SV2C: variants seen among roughly 807,000 people sequenced by gnomAD.
SV2C encodes solute carrier family 22 member B3.
SV2C carries 49 observed loss-of-function variants against 79.7 expected under a neutral mutation model. The observed-to-expected ratio is 0.61, with a 90% CI of 0.49 to 0.78. The LOEUF is 0.78. Among genes scored for constraint, SV2C ranks in the 30% least tolerant of loss-of-function variants. SV2C has a pLI of 0.00. For missense variants in SV2C, 833 were observed against 912.9 expected (o/e 0.91, Z 1.13); for synonymous variants, 334 against 333.2 (o/e 1.00, Z -0.03).
In SV2C at chr5:76,346,386, T is replaced by C. The variant is rs150276590; in HGVS notation, c.2001-6744T>C. On this transcript the variant is annotated intron_variant, in intron 12 of 12. Coordinates refer to the SV2C transcript ENST00000322285. ...TTCCTGAAAATTTAGCATCAGCTTC[T>C]GTGAGCCAGTACAACACACTCCAGC... Among the ~76,000 whole-genome samples the C allele has an allele frequency of 3.4e-3, 522 of 152,352 alleles. 3 individuals carry two copies. Among genetic ancestry groups the C allele is most frequent in the African/African-American group, 0.012 (502 of 41,582 alleles).
the SV2C span, among the ~76,000 whole-genome samples, chr5:75,956,129 A>G: frequency 6.9e-6 from 1 of 143,970 alleles, no homozygotes; most frequent in Non-Finnish European, 1.5e-5. Context: ...CACAATAGCA[A>G]AGACTTGGAA....
At chr5:76,204,101 C>A (rs1398368161) in intron 3 of SV2C, among the ~76,000 whole-genome samples, 1 of 152,176 alleles carries the variant, frequency 6.6e-6, no homozygotes. Flanking sequence ...GTCTGTGATA[C>A]TCTATTTACT....
chr5:75,912,791 A>G, the SV2C span, among the ~76,000 whole-genome samples: 1 of 152,216 alleles, frequency 6.6e-6, no homozygotes, highest in African/African-American at 2.4e-5. Flanking sequence ...ATTGTTTTAA[A>G]GTCTTCCACA....
At chr5:76,072,593 G>C in the SV2C span, among the ~76,000 whole-genome samples, 1 of 152,124 alleles carries the variant, frequency 6.6e-6, no homozygotes, top group Non-Finnish European at 1.5e-5. Flanking sequence ...CACAGGAGTA[G>C]AGAAACTTCT....
intron 4 of SV2C, among the ~76,000 whole-genome samples, chr5:76,228,829 C>T (rs186222044): frequency 2.6e-4 from 39 of 152,216 alleles, no homozygotes; most frequent in Non-Finnish European, 4.6e-4. Flanking sequence ...AAACTGAGGC[C>T]GGGAAGTTAA....
At chr5:76,046,470 A>G in the SV2C span, among the ~76,000 whole-genome samples, 18 of 152,236 alleles carry the variant, frequency 1.2e-4, no homozygotes, top group African/African-American at 4.1e-4. Context: ...ATACATTTGT[A>G]TATGTCTACT....
the SV2C span, among the ~76,000 whole-genome samples, chr5:75,930,848 G>A: frequency 0.17 from 25,798 of 152,178 alleles, 2,307 homozygotes; most frequent in Middle Eastern, 0.3. Context: ...GAGTAATAAT[G>A]AGCAGGCTGG....
chr5:75,867,811 C>T, the SV2C span, among the ~76,000 whole-genome samples: 2 of 152,154 alleles, frequency 1.3e-5, no homozygotes, highest in African/African-American at 4.8e-5. Context: ...CTGTTTTTAC[C>T]TCTCTCAGCA....
chr5:75,960,079 A>G, the SV2C span, among the ~76,000 whole-genome samples: 1 of 151,998 alleles, frequency 6.6e-6, no homozygotes, highest in South Asian at 2.1e-4. Context: ...ATTCCTTTTC[A>G]TAATTCTAAT....
chr5:76,037,851 C>T, the SV2C span, among the ~76,000 whole-genome samples: 398 of 152,314 alleles, frequency 2.6e-3, no homozygotes, highest in Non-Finnish European at 4.0e-3. Context: ...GCCTCGTTGC[C>T]GCCTTGCAGT....
the SV2C span, among the ~76,000 whole-genome samples, chr5:75,882,124 A>G: frequency 6.7e-6 from 1 of 150,232 alleles, no homozygotes; most frequent in Admixed American, 6.6e-5. Context: ...ATATTGAACC[A>G]GCCTTGCATC....
At chr5:75,871,816 AATAT>A in the SV2C span, among the ~76,000 whole-genome samples, 36 of 116,852 alleles carry the variant, frequency 3.1e-4, no homozygotes, top group African/African-American at 1.1e-3. Context: ...CAAATATATA[AATAT>A]ATATATATAT....
chr5:76,081,773 T>C (rs1325984115), upstream of SV2C, among the ~76,000 whole-genome samples: 1 of 152,120 alleles, frequency 6.6e-6, no homozygotes, highest in Non-Finnish European at 1.5e-5. Flanking sequence ...GGCCAAGAGT[T>C]GTCTCCATTT....
the SV2C span, among the ~76,000 whole-genome samples, chr5:75,987,251 C>G: frequency 6.6e-6 from 1 of 151,988 alleles, no homozygotes; most frequent in African/African-American, 2.4e-5. Flanking sequence ...AAATCTGACA[C>G]TTAACAGTTT....
At chr5:76,230,796 A>G (rs1253613823) in intron 4 of SV2C, among the ~76,000 whole-genome samples, 1 of 144,774 alleles carries the variant, frequency 6.9e-6, no homozygotes, top group Non-Finnish European at 1.5e-5. Flanking sequence ...CTCAGAAGAA[A>G]AAAAAAGAAA....
At chr5:75,993,404 A>G in the SV2C span, among the ~76,000 whole-genome samples, 14 of 151,960 alleles carry the variant, frequency 9.2e-5, no homozygotes, top group Admixed American at 2.6e-4. Flanking sequence ...CGGGGAGGCA[A>G]AGAGAGGCAA....
the SV2C span, among the ~76,000 whole-genome samples, chr5:75,895,362 T>A: frequency 1.8e-4 from 27 of 152,268 alleles, no homozygotes; most frequent in South Asian, 5.2e-3. Flanking sequence ...AGACTCTACA[T>A]CAGCTATTTT....
chr5:75,864,070 GT>G, the SV2C span, among the ~76,000 whole-genome samples: 1 of 151,988 alleles, frequency 6.6e-6, no homozygotes, highest in African/African-American at 2.4e-5. Flanking sequence ...CATGGTTATA[GT>G]TTCTTGTTTT....
intron 2 of SV2C, among the ~76,000 whole-genome samples, chr5:76,165,373 G>T (rs1289323022): frequency 6.6e-6 from 1 of 152,002 alleles, no homozygotes; most frequent in Non-Finnish European, 1.5e-5. Context: ...TGTGTGTGTG[G>T]AGGAATGGTA....
Sources: gnomAD v4.1 joint callset for allele counts (sites outside exome capture counted in the v4.1 genomes callset) on GRCh38, gnomAD v4.1.1 for gene constraint, MANE v1.5 for transcripts, NCBI Gene and HGNC (gene_info 2026-07-23, HGNC 2026-07-21) for gene names.